Variants in B4GALT4 observed in about 807,000 individuals in gnomAD.
The protein encoded by B4GALT4 is beta-1,4-galactosyltransferase 4, also known as N-acetyllactosamine synthase.
A neutral mutation model predicts 37.3 loss-of-function variants in B4GALT4; 27 were observed. The observed-to-expected ratio is 0.72, with a 90% confidence interval of 0.53 to 1.00. The LOEUF is 1.00. Among genes scored for constraint, B4GALT4 ranks in the 50% least tolerant of loss-of-function variants. The pLI, the probability that B4GALT4 is intolerant of heterozygous loss-of-function variation, is 0.00. For synonymous variants in B4GALT4, 148 were observed against 154.1 expected (o/e 0.96, Z 0.29); for missense variants, 372 against 413.1 (o/e 0.90, Z 0.86).
intron 6 of B4GALT4, among the ~76,000 whole-genome samples, chr3:119,217,516 C>A (rs552568134): frequency 1.5e-3 from 223 of 152,248 alleles, no homozygotes; most frequent in African/African-American, 5.2e-3. Context: ...CTGACAGTCA[C>A]GTAACTAATA....
chr3:119,239,325 C>CAAAAA (rs10684280), intron 1 of B4GALT4, among the ~76,000 whole-genome samples: 3,570 of 120,806 alleles, frequency 0.03, 99 homozygotes, highest in South Asian at 0.11. Context: ...GATTCCATCT[C>CAAAAA]AAAAAAAAAA....
Position 119,212,651 on chromosome 3 carries a change from G to A in B4GALT4, c.933C>T (p.Val311=), listed in dbSNP as rs1176649901. The A allele has an allele frequency of 6.2e-7, 1 of 1,611,014 alleles. No individual in the cohort carries two copies. The highest frequency in any genetic ancestry group is 8.5e-7 in the Non-Finnish European group (1 of 1,179,114). Residue 311 remains valine (V), a synonymous_variant, in exon 8 of 8, where the codon GTC becomes GTT. Coordinates refer to ENST00000393765, the MANE Select transcript of B4GALT4 (RefSeq NM_003778.4). The part of the protein sequence containing the change: ...RMKLLHQVSR[V]WRTDGLSSCS... ...AACTACTCAACCCATCTGTTCTCCA[G>A]ACTCGTGACACTTGGTGTAAGAGCT...
At position 119,224,007 on chromosome 3, in the gene B4GALT4, C is replaced by A. The variant is rs1194376018; in HGVS notation, c.674+51G>T. On this transcript the variant is annotated intron_variant, in intron 5 of 7. Transcript: ENST00000393765. ...GATGCTTGTTCCACCCAGTCTTGATCACAATAGTTGAGCTTCTCGACCTAA... is the reference window on the plus strand; with the variant it reads ...GATGCTTGTTCCACCCAGTCTTGATAACAATAGTTGAGCTTCTCGACCTAA... 3 of 1,517,708 alleles carry A rather than the reference C, an allele frequency of 2.0e-6. No individual in the cohort carries two copies. In the East Asian group the frequency reaches 7.1e-5, roughly 36 times the overall value. The allele number at this position is 1,517,708 out of a possible 1,614,324, so 94.0% of individuals were successfully genotyped here.
chr3:119,235,492 T>C (rs987879989), intron 2 of B4GALT4, among the ~76,000 whole-genome samples: 3 of 152,344 alleles, frequency 2.0e-5, no homozygotes, highest in Non-Finnish European at 2.9e-5. Context: ...CCCAGGCACA[T>C]GATCCTGATG....
In B4GALT4 at chr3:119,218,825, T is replaced by C. The variant is rs897126600; in HGVS notation, c.675-53A>G. On this transcript the variant is annotated intron_variant, in intron 5 of 7. Coordinates refer to ENST00000393765, the MANE Select transcript of B4GALT4 (RefSeq NM_003778.4). ...TAAGAATATTCGCACCAAAGGTCTC[T>C]GATTTCAGGGCTGGCGTTCTAGGAA... 5 of 1,603,782 alleles carry C rather than the reference T, an allele frequency of 3.1e-6. No individual in the cohort carries two copies. The Middle Eastern group carries it at 5.0e-4, about 160-fold the overall frequency.
In B4GALT4 at chr3:119,229,871, A is replaced by G. The variant is rs1186994076; in HGVS notation, c.229T>C (p.Cys77Arg). The G allele has an allele frequency of 3.7e-6, 6 of 1,614,178 alleles. No individual in the cohort carries two copies. The highest frequency in any genetic ancestry group is 4.2e-6 in the Non-Finnish European group (5 of 1,180,024). ...CTGAGGTAAGGAGACACAGAAGGGC[A>G]GTTGTCAAGTTCTACCTTCTTCGTG... ...ASTKKVELDNCPSVSPYLRGQ... is the reference protein window; with the variant it reads ...ASTKKVELDNRPSVSPYLRGQ... The change falls in exon 3 of 8, where the codon TGC (cysteine) becomes CGC (arginine). Residue 77 changes from cysteine to arginine, a missense_variant. By Grantham distance (180) the Cys-to-Arg change is radical (BLOSUM62 -3). Coordinates refer to ENST00000393765, the MANE Select transcript of B4GALT4 (RefSeq NM_003778.4).
Position 119,212,705 on chromosome 3 carries a change from G to C in B4GALT4, c.903-24C>G, listed in dbSNP as rs1408370888. 7.7e-6 allele frequency: 12 copies of C among 1,562,174 alleles called. No homozygotes were observed. In the East Asian group the frequency reaches 2.7e-4, roughly 35 times the overall value. On this transcript the variant is annotated intron_variant, in intron 7 of 7. Coordinates refer to ENST00000393765, the MANE Select transcript of B4GALT4 (RefSeq NM_003778.4). Reference sequence around the variant, plus strand: ...TCCTAAAGATAAAAAGAACAAATGTGAATGATAAGAATTTAACATATGTCT... The same window carrying C: ...TCCTAAAGATAAAAAGAACAAATGTCAATGATAAGAATTTAACATATGTCT...
chr3:119,214,673 A>T (rs1246779311), intron 7 of B4GALT4: 1 of 152,224 alleles, frequency 6.6e-6, no homozygotes, highest in Non-Finnish European at 1.5e-5. Flanking sequence ...TTTTCTCTTT[A>T]TTCTGCCTTT....
intron 1 of B4GALT4, among the ~76,000 whole-genome samples, chr3:119,239,773 A>G (rs923534173): frequency 6.6e-6 from 1 of 152,166 alleles, no homozygotes; most frequent in African/African-American, 2.4e-5. Flanking sequence ...CATAAAGAAC[A>G]AACCTGCTCT....
chr3:119,237,854 T>C (rs1008214000), intron 1 of B4GALT4, among the ~76,000 whole-genome samples: 5 of 152,238 alleles, frequency 3.3e-5, no homozygotes, highest in African/African-American at 1.2e-4. Context: ...AATAGCGATC[T>C]GATTTAATTA....
intron 5 of B4GALT4, among the ~76,000 whole-genome samples, chr3:119,221,025 A>G (rs1025089557): frequency 6.6e-6 from 1 of 151,494 alleles, no homozygotes; most frequent in African/African-American, 2.4e-5. Flanking sequence ...GGTGCCTGTC[A>G]GATGACAACT....
chr3:119,229,250 CAGG>C (rs2078731982), intron 3 of B4GALT4, among the ~76,000 whole-genome samples: 1 of 152,108 alleles, frequency 6.6e-6, no homozygotes, highest in Non-Finnish European at 1.5e-5. Flanking sequence ...CCACTAGTTT[CAGG>C]AGGAGGACAG....
intron 2 of B4GALT4, among the ~76,000 whole-genome samples, chr3:119,231,756 AT>A (rs1016044723): frequency 1.6e-4 from 23 of 142,210 alleles, no homozygotes; most frequent in African/African-American, 6.0e-4. Flanking sequence ...TATTTTATAA[AT>A]TTTATTTTAT....
chr3:119,229,759 A>G, intron 3 of B4GALT4, 88 bp downstream of exon 3: 3 of 1,351,782 alleles, frequency 2.2e-6, no homozygotes, highest in Non-Finnish European at 3.0e-6. Flanking sequence ...TATGGGGTAC[A>G]TGAGATGTTT....
At position 119,226,798 on chromosome 3, in the gene B4GALT4, C is replaced by T; in HGVS notation, c.486+11G>A. The stretch of plus-strand genomic sequence containing the variant: ...GGTCGAGGGCAGGCCCTGGTCTGCC[C>T]CCACGCTCACCTGGTGGATGACGTA... On this transcript the variant is annotated intron_variant, in intron 4 of 7. Transcript: ENST00000393765. 6.2e-7 allele frequency: 1 copy of T among 1,610,520 alleles called. No individual in the cohort carries two copies. Among genetic ancestry groups the T allele is most frequent in the Non-Finnish European group, 8.5e-7 (1 of 1,178,524 alleles).
At chr3:119,224,026 G>T (rs752324018) in intron 5 of B4GALT4, 32 bp downstream of exon 5, 1 of 1,568,594 alleles carries the variant, frequency 6.4e-7, no homozygotes, top group Non-Finnish European at 8.6e-7. Context: ...TGAGCTTCTC[G>T]ACCTAAGCCA....
intron 4 of B4GALT4, among the ~76,000 whole-genome samples, chr3:119,226,201 T>C (rs929119937): frequency 6.6e-6 from 1 of 152,216 alleles, no homozygotes; most frequent in Non-Finnish European, 1.5e-5. Context: ...TCCACTCCAC[T>C]GACCTCAGAG....
chr3:119,235,925 G>A lies in B4GALT4; in HGVS notation c.-146+928C>T, dbSNP rs78447374. On this transcript the variant is annotated intron_variant, in intron 2 of 7. Transcript: ENST00000393765. The stretch of plus-strand genomic sequence containing the variant: ...AATAAATGAATAGAAGAGAAGGGGC[G>A]GCTCTTTTCTTAAATTCCAACTAGT... Among the ~76,000 whole-genome samples the A allele has an allele frequency of 9.4e-3, 1,424 of 152,116 alleles. 43 individuals carry two copies. The East Asian group carries it at 0.13, about 14-fold the overall frequency.
chr3:119,214,113 GCTA>G (rs1329238116), intron 7 of B4GALT4: 6 of 152,154 alleles, frequency 3.9e-5, no homozygotes, highest in African/African-American at 1.4e-4. Context: ...TGTGGTCCCA[GCTA>G]CTTGGGAGGC....
Sources: gnomAD v4.1 joint callset for allele counts (sites outside exome capture counted in the v4.1 genomes callset) on GRCh38, gnomAD v4.1.1 for gene constraint, MANE v1.5 for transcripts, NCBI Gene and HGNC (gene_info 2026-07-23, HGNC 2026-07-21) for gene names.